Variants in ZNF549 observed in about 807,000 individuals in gnomAD.
ZNF549 encodes zinc finger protein 549.
ZNF549 carries 11 observed loss-of-function variants against 11.1 expected under a neutral mutation model. That is an observed-to-expected ratio of 0.99 (90% CI 0.62 to 1.64). ZNF549 has a LOEUF of 1.64. ZNF549 is among the 40% of genes most tolerant of loss of function. The pLI is 0.00. For missense variants in ZNF549, 748 were observed against 765.1 expected, an observed-to-expected ratio of 0.98 and a Z score of 0.26; for synonymous variants, 266 against 269.1, an observed-to-expected ratio of 0.99 and a Z score of 0.11.
chr19:57,532,112 C>T (rs1024856607), intron 2 of ZNF549, among the ~76,000 whole-genome samples: 1 of 152,010 alleles, frequency 6.6e-6, no homozygotes, highest in African/African-American at 2.4e-5. Context: ...TTTACATCTC[C>T]CAGGTATTTT....
In ZNF549 at chr19:57,537,675, G is replaced by A; in HGVS notation, c.671G>A (p.Cys224Tyr). ...ACCTTTCAACAAAGACGTTACAAAT[G>A]TGAGCAAGTTTTCAATGAGAAAGTT... ...RETFQQRRYKCEQVFNEKVHV... is the reference protein window; with the variant it reads ...RETFQQRRYKYEQVFNEKVHV... Residue 224 changes from cysteine to tyrosine, a missense_variant, in exon 4 of 4, where the codon TGT becomes TAT. Transcript: ENST00000376233. 1 of 1,614,188 alleles carries A rather than the reference G, an allele frequency of 6.2e-7. No individual in the cohort carries two copies. The highest frequency in any genetic ancestry group is 8.5e-7 in the Non-Finnish European group (1 of 1,180,038).
chr19:57,535,131 C>T lies in ZNF549; in HGVS notation c.73-13C>T. 2 of 1,612,480 alleles carry T rather than the reference C, an allele frequency of 1.2e-6. No homozygotes were observed. The highest frequency in any genetic ancestry group is 1.7e-6 in the Non-Finnish European group (2 of 1,179,024). On this transcript the variant is annotated splice_polypyrimidine_tract_variant and intron_variant, in intron 2 of 3. Coordinates refer to ENST00000376233, the MANE Select transcript of ZNF549 (RefSeq NM_001199295.2). ...TGAGTCTGCTCATGATTTCATCTGC[C>T]CCCATCATGCAGGGCCATGTGACCT...
At chr19:57,533,674 A>G (rs946539751) in intron 2 of ZNF549, among the ~76,000 whole-genome samples, 1 of 152,200 alleles carries the variant, frequency 6.6e-6, no homozygotes, top group African/African-American at 2.4e-5. Flanking sequence ...TATGCATTAT[A>G]GATTGGGTTT....
In ZNF549 at chr19:57,537,740, G is replaced by C. The variant is rs749378805; in HGVS notation, c.736G>C (p.Ala246Pro). ...TCAGAGAGTCCACACTGGAGAAAAA[G>C]CTTATAAGCGTAGGGAATATGGGAA... ...EHQRVHTGEKAYKRREYGKSL... is the reference protein window; with the variant it reads ...EHQRVHTGEKPYKRREYGKSL... The change falls in exon 4 of 4, where the codon GCT (alanine) becomes CCT (proline). Residue 246 changes from alanine (A) to proline (P), a missense_variant. Transcript: ENST00000376233. 1 of 1,614,084 alleles carries C rather than the reference G, an allele frequency of 6.2e-7. No homozygotes were observed. The highest frequency in any genetic ancestry group is 8.5e-7 in the Non-Finnish European group (1 of 1,180,026).
chr19:57,532,130 G>C (rs1349601298), intron 2 of ZNF549, among the ~76,000 whole-genome samples: 1 of 152,148 alleles, frequency 6.6e-6, no homozygotes, highest in Non-Finnish European at 1.5e-5. Context: ...TTTGGGATTT[G>C]CCAGCTCTCT....
chr19:57,535,119 G>A (rs1313904403), intron 2 of ZNF549, 25 bp from the exon 3 acceptor site: 3 of 1,610,702 alleles, frequency 1.9e-6, no homozygotes, highest in Non-Finnish European at 2.5e-6. Context: ...GTCTGCTCAT[G>A]ATTTCATCTG....
intron 2 of ZNF549, among the ~76,000 whole-genome samples, chr19:57,534,255 G>A (rs1045238540): frequency 2.6e-5 from 4 of 152,162 alleles, no homozygotes; most frequent in African/African-American, 7.2e-5. Flanking sequence ...AGGATGAAAC[G>A]GGTGTCCAGC....
rs1466446779 is a variant in ZNF549 at position 57,539,730 on chromosome 19, T to C, written c.*803T>C. Reference sequence around the variant, plus strand: ...GCTTCATATTTCCCAGCACTGTTCATGGTATCTTATTTCCCAGGTCCTTCA... The same window carrying C: ...GCTTCATATTTCCCAGCACTGTTCACGGTATCTTATTTCCCAGGTCCTTCA... On this transcript the variant is annotated 3_prime_UTR_variant, in exon 4 of 4. Coordinates refer to ENST00000376233, the MANE Select transcript of ZNF549 (RefSeq NM_001199295.2). The C allele has an allele frequency of 6.6e-6, 1 of 152,198 alleles. No individual in the cohort carries two copies. The highest frequency in any genetic ancestry group is 1.5e-5 in the Non-Finnish European group (1 of 68,032). 9.4% of individuals were successfully genotyped at this position (152,198 alleles called of 1,614,324 possible). A position where few individuals can be genotyped will look rare whatever the true frequency, so the allele number is the denominator to read the frequency against.
Position 57,538,370 on chromosome 19 carries a change from C to T in ZNF549, c.1366C>T (p.Arg456Cys), listed in dbSNP as rs746919718. 152 of 1,613,674 alleles carry T rather than the reference C, an allele frequency of 9.4e-5. No homozygotes were observed. The highest frequency in any genetic ancestry group is 1.5e-4 in the Admixed American group (9 of 59,962). Reference sequence around the variant, plus strand: ...CATCATATGTGGGAAATCATTTATCCGCTCGTCTGACTACATGCGACACCA... The same window carrying T: ...CATCATATGTGGGAAATCATTTATCTGCTCGTCTGACTACATGCGACACCA... ...VCIICGKSFI[R>C]SSDYMRHQRI... Residue 456 changes from arginine (R) to cysteine (C), a missense_variant, in exon 4 of 4, where the codon CGC (arginine) becomes TGC (cysteine). Arg to Cys is a radical substitution (Grantham distance 180). Transcript: ENST00000376233.
At chr19:57,527,628 C>T (rs770133580) in intron 1 of ZNF549, 22 bp downstream of exon 1, 9 of 1,612,748 alleles carry the variant, frequency 5.6e-6, no homozygotes, top group Middle Eastern at 1.7e-4. Context: ...GTCCTCGGAT[C>T]CTCACCTGGG....
chr19:57,535,027 G>A (rs1300589881), intron 2 of ZNF549, 117 bp from the exon 3 acceptor site: 1 of 1,379,258 alleles, frequency 7.3e-7, no homozygotes. Flanking sequence ...GAGCCCAGTG[G>A]GAGACACCAT....
In ZNF549 at chr19:57,538,695, A is replaced by G. The variant is rs61736505; in HGVS notation, c.1691A>G (p.Lys564Arg). The G allele has an allele frequency of 3.2e-3, 5,085 of 1,614,176 alleles. 147 individuals carry two copies. In the African/African-American group the frequency reaches 0.057, roughly 18 times the overall value. The change falls in exon 4 of 4, where the codon AAA becomes AGA. Residue 564 changes from lysine to arginine, a missense_variant. Transcript: ENST00000376233. Reference sequence around the variant, plus strand: ...CCCTGTGAGTGCAGTGAATGTGGGAAATGCTTTAGACACCGCACCAGCCTC... The same window carrying G: ...CCCTGTGAGTGCAGTGAATGTGGGAGATGCTTTAGACACCGCACCAGCCTC... ...EKPCECSECG[K>R]CFRHRTSLIQ...
intron 3 of ZNF549, 96 bp downstream of exon 3, chr19:57,535,366 C>A: frequency 6.7e-7 from 1 of 1,481,810 alleles, no homozygotes; most frequent in South Asian, 1.4e-5. Context: ...TGGACATGGG[C>A]CCTTCTTCTT....
chr19:57,528,712 CAGAGAAA>C, intron 1 of ZNF549, among the ~76,000 whole-genome samples: 1 of 152,114 alleles, frequency 6.6e-6, no homozygotes, highest in Non-Finnish European at 1.5e-5. Context: ...TATGTGGAGC[CAGAGAAA>C]GGTCAGCCAG....
At chr19:57,527,740 G>A (rs2089885022) in intron 1 of ZNF549, 134 bp downstream of exon 1, 1 of 1,119,536 alleles carries the variant, frequency 8.9e-7, no homozygotes, top group East Asian at 2.7e-5. Flanking sequence ...GAGCTGACGG[G>A]CGGTGAGGTG....
Position 57,539,329 on chromosome 19 carries a change from G to A in ZNF549, c.*402G>A. On this transcript the variant is annotated 3_prime_UTR_variant, in exon 4 of 4. Coordinates refer to ENST00000376233, the MANE Select transcript of ZNF549 (RefSeq NM_001199295.2). ...AATCTGGATTCTTGTAGCCCATGGA[G>A]GTTTACCTTCTTCATAGGTTTTTTT... 1 of 161,840 alleles carries A rather than the reference G, an allele frequency of 6.2e-6. No homozygotes were observed. The highest frequency in any genetic ancestry group is 1.4e-5 in the Non-Finnish European group (1 of 73,832). The allele number at this position is 161,840 out of a possible 1,614,324, so 10.0% of individuals were successfully genotyped here.
chr19:57,538,409 G>A lies in ZNF549; in HGVS notation c.1405G>A (p.Gly469Arg), dbSNP rs1429705570. Residue 469 changes from glycine (G) to arginine (R), a missense_variant, in exon 4 of 4, where the codon GGA becomes AGA. Gly to Arg is a moderately radical substitution (Grantham distance 125). Coordinates refer to ENST00000376233, the MANE Select transcript of ZNF549 (RefSeq NM_001199295.2). The stretch of plus-strand genomic sequence containing the variant: ...CATGCGACACCAGAGAATTCACACT[G>A]GAGAAAGGGCTTATGAATGCAGTGA... The part of the protein sequence containing the change: ...DYMRHQRIHT[G>R]ERAYECSDCG... The A allele has an allele frequency of 1.9e-6, 3 of 1,614,144 alleles. No individual in the cohort carries two copies. The highest frequency in any genetic ancestry group is 2.5e-6 in the Non-Finnish European group (3 of 1,180,034).
At position 57,537,828 on chromosome 19, in the gene ZNF549, A is replaced by T. The variant is rs371084791; in HGVS notation, c.824A>T (p.Tyr275Phe). The change falls in exon 4 of 4, where the codon TAT (tyrosine) becomes TTT (phenylalanine). Residue 275 changes from tyrosine to phenylalanine, a missense_variant. Transcript: ENST00000376233. ...AGAACCCATAATGCAGAAAAGCCTTATGTGTGCAATATATGTGGGAAATCA... is the reference window on the plus strand; with the variant it reads ...AGAACCCATAATGCAGAAAAGCCTTTTGTGTGCAATATATGTGGGAAATCA... Reference protein sequence around the residue: ...HQRTHNAEKPYVCNICGKSFL... With the variant: ...HQRTHNAEKPFVCNICGKSFL... 6.2e-7 allele frequency: 1 copy of T among 1,614,120 alleles called. No individual in the cohort carries two copies. Among genetic ancestry groups the T allele is most frequent in the African/African-American group, 1.3e-5 (1 of 74,944 alleles).
At chr19:57,535,317 C>A in intron 3 of ZNF549, 47 bp downstream of exon 3, 1 of 1,566,678 alleles carries the variant, frequency 6.4e-7, no homozygotes. Context: ...GGACTCTGCT[C>A]TTCCCCTTTT....
Sources: gnomAD v4.1 joint callset for allele counts (sites outside exome capture counted in the v4.1 genomes callset) on GRCh38, gnomAD v4.1.1 for gene constraint, MANE v1.5 for transcripts, NCBI Gene and HGNC (gene_info 2026-07-23, HGNC 2026-07-21) for gene names.